The following ZNF571 variants were observed in gnomAD, a reference collection of about 807,000 sequenced individuals.
The protein encoded by ZNF571 is zinc finger protein 571.
ZNF571 carries 4 observed loss-of-function variants against 7.7 expected under a neutral mutation model. That is an observed-to-expected ratio of 0.52 (90% confidence interval 0.25 to 1.18). ZNF571 has a LOEUF of 1.18. Ranked by LOEUF, ZNF571 falls within the 50% of genes most tolerant of loss-of-function variation. The pLI is 0.14. For synonymous variants in ZNF571, 251 were observed against 232.4 expected, an observed-to-expected ratio of 1.08 and a Z score of -0.73; for missense variants, 704 against 726.9, an observed-to-expected ratio of 0.97 and a Z score of 0.36.
In ZNF571 at chr19:37,565,092, GT is replaced by G. The variant is rs747847599; in HGVS notation, c.1335del (p.Lys445AsnfsTer105). On this transcript the variant is annotated frameshift_variant, in exon 4 of 4. Transcript: ENST00000451802. LOFTEE classifies it low-confidence loss of function (END_TRUNC). ...SEHQRIHTGE[K>X]PFECKECGKA... ...TTTCCACATTCCTTACATTCAAAGGGTTTCTCACCTGTATGAATTCTCTGAT... is the reference window on the plus strand; with the variant it reads ...TTTCCACATTCCTTACATTCAAAGGGTTCTCACCTGTATGAATTCTCTGAT... 1 of 1,613,246 alleles carries G rather than the reference GT, an allele frequency of 6.2e-7. No individual in the cohort carries two copies. Among genetic ancestry groups the G allele is most frequent in the South Asian group, 1.1e-5 (1 of 91,028 alleles).
chr19:37,564,668 G>T lies in ZNF571; in HGVS notation c.1760C>A (p.Thr587Lys). The change falls in exon 4 of 4, where the codon ACA becomes AAA. Residue 587 changes from threonine (T) to lysine (K), a missense_variant. Thr to Lys is a moderately conservative substitution (Grantham distance 78, BLOSUM62 -1). Transcript: ENST00000451802. ...AAAGTCTTTACCACACTGGACACATGTATAGGGTTTCTCACCAGTATGGAT... is the reference window on the plus strand; with the variant it reads ...AAAGTCTTTACCACACTGGACACATTTATAGGGTTTCTCACCAGTATGGAT... ...QRIHTGEKPY[T>K]CVQCGKDFRC... 2 of 1,613,046 alleles carry T rather than the reference G, an allele frequency of 1.2e-6. No homozygotes were observed. Among genetic ancestry groups the T allele is most frequent in the Non-Finnish European group, 1.7e-6 (2 of 1,179,478 alleles).
Position 37,564,629 on chromosome 19 carries a change from T to G in ZNF571, c.1799A>C (p.Gln600Pro). 1 of 1,561,822 alleles carries G rather than the reference T, an allele frequency of 6.4e-7. No homozygotes were observed. Among genetic ancestry groups the G allele is most frequent in the Non-Finnish European group, 8.7e-7 (1 of 1,154,856 alleles). The change falls in exon 4 of 4, where the codon CAA becomes CCA. Residue 600 changes from glutamine (Q) to proline (P), a missense_variant. By Grantham distance (76) the Gln-to-Pro change is moderately conservative. Coordinates refer to ENST00000451802, the MANE Select transcript of ZNF571 (RefSeq NM_016536.5). ...ATGAAGCCTTGTATGTTGAGTAAGT[T>G]GTGAAGGACATCTAAAGTCTTTACC... Reference protein sequence around the residue: ...QCGKDFRCPSQLTQHTRLHN With the variant: ...QCGKDFRCPSPLTQHTRLHN
chr19:37,592,418 T>C (rs774050915), intron 1 of ZNF571, among the ~76,000 whole-genome samples: 2 of 152,210 alleles, frequency 1.3e-5, no homozygotes, highest in Non-Finnish European at 2.9e-5. Context: ...ACCATAGATA[T>C]ACTGTATATA....
At chr19:37,593,451 C>G (rs1189449803) in intron 1 of ZNF571, among the ~76,000 whole-genome samples, 4 of 152,182 alleles carry the variant, frequency 2.6e-5, no homozygotes. Context: ...CGCCTGTAAT[C>G]CCAGCACTCT....
Position 37,576,201 on chromosome 19 carries a change from C to T in ZNF571, c.136+7770G>A, listed in dbSNP as rs531713625. On this transcript the variant is annotated intron_variant, in intron 3 of 3. Transcript: ENST00000451802. ...ACTAAAAAATCCACCAATAATGACACAGCATTTAAACTTAGCCATTTTTTC... is the reference window on the plus strand; with the variant it reads ...ACTAAAAAATCCACCAATAATGACATAGCATTTAAACTTAGCCATTTTTTC... 2.0e-4 allele frequency among the ~76,000 whole-genome samples: 31 copies of T among 152,292 alleles called. No individual in the cohort carries two copies. In the South Asian group the frequency reaches 6.2e-3, roughly 31 times the overall value.
intron 3 of ZNF571, among the ~76,000 whole-genome samples, chr19:37,567,383 T>C (rs2042897686): frequency 6.6e-6 from 1 of 152,208 alleles, no homozygotes; most frequent in East Asian, 1.9e-4. Context: ...AACACAAAGT[T>C]TGAGAATAGA....
At chr19:37,592,157 T>C (rs944880873) in intron 1 of ZNF571, among the ~76,000 whole-genome samples, 2 of 151,632 alleles carry the variant, frequency 1.3e-5, no homozygotes, top group Non-Finnish European at 2.9e-5. Flanking sequence ...ACTCGGGAGG[T>C]TGAGGCAGAA....
At chr19:37,580,083 AT>A (rs2043397174) in intron 3 of ZNF571, among the ~76,000 whole-genome samples, 1 of 152,228 alleles carries the variant, frequency 6.6e-6, no homozygotes, top group Non-Finnish European at 1.5e-5. Flanking sequence ...ACCTGAATGT[AT>A]TTTACACTAG....
At chr19:37,570,878 A>G (rs920722894) in intron 3 of ZNF571, among the ~76,000 whole-genome samples, 2 of 151,840 alleles carry the variant, frequency 1.3e-5, no homozygotes, top group Admixed American at 1.3e-4. Context: ...TTGATTACCA[A>G]AAGCATATGT....
intron 1 of ZNF571, among the ~76,000 whole-genome samples, chr19:37,588,664 T>C (rs1013887791): frequency 2.6e-5 from 4 of 152,116 alleles, no homozygotes. Context: ...TCACACAATA[T>C]GCCATATAAC....
chr19:37,579,143 G>C (rs889147390), intron 3 of ZNF571, among the ~76,000 whole-genome samples: 13 of 152,162 alleles, frequency 8.5e-5, no homozygotes, highest in African/African-American at 3.1e-4. Context: ...TGTTCTGTAG[G>C]ACCCTGCATG....
intron 1 of ZNF571, among the ~76,000 whole-genome samples, chr19:37,591,112 T>C (rs1351809611): frequency 1.3e-5 from 2 of 152,210 alleles, no homozygotes; most frequent in Non-Finnish European, 1.5e-5. Context: ...TTAGCTTTGT[T>C]CCCTGAAATG....
rs113304768 is a variant in ZNF571 at position 37,586,645 on chromosome 19, G to A, written c.9+23C>T. Reference sequence around the variant, plus strand: ...ACACAACAAAATGATTGTACTTCAAGAAGGAAAGAAACAGCAACTCACGTG... The same window carrying A: ...ACACAACAAAATGATTGTACTTCAAAAAGGAAAGAAACAGCAACTCACGTG... On this transcript the variant is annotated intron_variant, in intron 2 of 3. Coordinates refer to ENST00000451802, the MANE Select transcript of ZNF571 (RefSeq NM_016536.5). The A allele has an allele frequency of 8.6e-4, 1,388 of 1,613,658 alleles. 9 individuals carry two copies. In the African/African-American group the frequency reaches 0.017, roughly 20 times the overall value.
chr19:37,578,286 GAGAC>G (rs1157622758), intron 3 of ZNF571, among the ~76,000 whole-genome samples: 1 of 152,126 alleles, frequency 6.6e-6, no homozygotes, highest in Non-Finnish European at 1.5e-5. Flanking sequence ...AGAGAACAGA[GAGAC>G]AAGCCAGGCA....
chr19:37,567,232 G>T (rs1277468403), intron 3 of ZNF571, among the ~76,000 whole-genome samples: 3 of 152,164 alleles, frequency 2.0e-5, no homozygotes, highest in African/African-American at 4.8e-5. Flanking sequence ...CTTAATCAAA[G>T]CAAGGGCTTT....
chr19:37,583,270 A>G (rs1157373283), intron 3 of ZNF571, among the ~76,000 whole-genome samples: 1 of 152,242 alleles, frequency 6.6e-6, no homozygotes, highest in Non-Finnish European at 1.5e-5. Context: ...GGCTAGAGAT[A>G]CTTATCCAAG....
Position 37,565,435 on chromosome 19 carries a change from ACCAGTATGAACT to A in ZNF571, c.981_992del (p.Arg327_Gly331delinsSer). The A allele has an allele frequency of 6.2e-7, 1 of 1,613,080 alleles. No individual in the cohort carries two copies. Among genetic ancestry groups the A allele is most frequent in the South Asian group, 1.1e-5 (1 of 90,958 alleles). The stretch of plus-strand genomic sequence containing the variant: ...ATTCTTTACATATGTAAGGCTTTTC[ACCAGTATGAACT>A]CTCTGATGGTATGTAAGGTGTGAAC... On this transcript the variant is annotated inframe_deletion, in exon 4 of 4. Transcript: ENST00000451802.
At chr19:37,570,431 A>C (rs183013756) in intron 3 of ZNF571, among the ~76,000 whole-genome samples, 1 of 152,284 alleles carries the variant, frequency 6.6e-6, no homozygotes, top group East Asian at 1.9e-4. Flanking sequence ...ACCTCTCCCA[A>C]GATAGACATA....
intron 3 of ZNF571, among the ~76,000 whole-genome samples, chr19:37,570,855 A>G (rs6508736): frequency 0.25 from 38,589 of 152,004 alleles, 5,591 homozygotes; most frequent in East Asian, 0.64. Context: ...CCACCCCTTT[A>G]TATCCTCCAT....
Sources: allele counts gnomAD v4.1 joint callset (sites outside exome capture counted in the v4.1 genomes callset), GRCh38; gene constraint gnomAD v4.1.1; transcripts MANE v1.5; gene names NCBI Gene and HGNC (gene_info 2026-07-23, HGNC 2026-07-21).